CTPS1: variants seen among roughly 807,000 people sequenced by gnomAD.
CTPS1 encodes CTP synthetase 1.
In CTPS1, 25 loss-of-function variants were observed where a neutral mutation model predicts 80.5. The observed-to-expected ratio is 0.31, with a 90% CI of 0.23 to 0.43. The LOEUF (loss-of-function observed/expected upper bound fraction) is 0.43. Ranked by LOEUF, CTPS1 falls within the 20% of genes least tolerant of loss-of-function variation. The pLI is 1.00. For missense variants in CTPS1, 442 were observed against 725.7 expected, an observed-to-expected ratio of 0.61 and a Z score of 4.49; for synonymous variants, 267 against 252.5, an observed-to-expected ratio of 1.06 and a Z score of -0.54.
At chr1:40,987,603 G>A (rs1235015488) in intron 4 of CTPS1, 131 bp downstream of exon 4, 3 of 578,762 alleles carry the variant, frequency 5.2e-6, no homozygotes, top group African/African-American at 3.3e-5. Context: ...AATGTGGCAG[G>A]TAAGGGCACA....
chr1:40,993,853 A>G (rs1642682351), intron 7 of CTPS1, among the ~76,000 whole-genome samples: 1 of 130,168 alleles, frequency 7.7e-6, no homozygotes, highest in South Asian at 2.3e-4. Flanking sequence ...ATCTTGGCTC[A>G]CTGCCATCTC....
At position 40,997,534 on chromosome 1, in the gene CTPS1, G is replaced by A. The variant is rs1642787210; in HGVS notation, c.1005+8G>A. ...CACAAATTGGAAATCAAGGTAAGGA[G>A]GGTGGCACAGGTACAGCCAAAGGAT... On this transcript the variant is annotated splice_region_variant and intron_variant, in intron 9 of 18. Coordinates refer to ENST00000650070, the MANE Select transcript of CTPS1 (RefSeq NM_001905.4). 1 of 1,613,450 alleles carries A rather than the reference G, an allele frequency of 6.2e-7. No individual in the cohort carries two copies. Among genetic ancestry groups the A allele is most frequent in the African/African-American group, 1.3e-5 (1 of 74,926 alleles).
At chr1:40,982,903 C>T (rs1382531199) in intron 1 of CTPS1, among the ~76,000 whole-genome samples, 1 of 152,176 alleles carries the variant, frequency 6.6e-6, no homozygotes, top group African/African-American at 2.4e-5. Flanking sequence ...AATAATGAGG[C>T]ACCTGCCTGG....
intron 1 of CTPS1, chr1:40,980,037 C>G (rs1378515194): frequency 6.6e-6 from 1 of 151,184 alleles, no homozygotes; most frequent in Non-Finnish European, 1.5e-5. Context: ...GCTGCCGGCT[C>G]CCGCGCGCGG....
chr1:40,991,974 C>G, intron 7 of CTPS1, 129 bp downstream of exon 7: 1 of 697,396 alleles, frequency 1.4e-6, no homozygotes, highest in South Asian at 1.7e-5. Flanking sequence ...GAACCCATTG[C>G]CATCGGCCAT....
chr1:40,987,212 T>C (rs72663735), intron 3 of CTPS1, among the ~76,000 whole-genome samples, 160 bp from the exon 4 acceptor site: 11 of 152,304 alleles, frequency 7.2e-5, no homozygotes, highest in Middle Eastern at 3.4e-3. Context: ...CTCAGAGATT[T>C]GTTGAGGCCA....
chr1:40,999,618 A>G (rs934919107), intron 9 of CTPS1, among the ~76,000 whole-genome samples: 2 of 152,230 alleles, frequency 1.3e-5, no homozygotes, highest in African/African-American at 4.8e-5. Context: ...TGGCACCACC[A>G]CACTAGAAAA....
chr1:40,995,031 C>A lies in CTPS1; in HGVS notation c.721-886C>A, dbSNP rs147537368. Among the ~76,000 whole-genome samples, 657 of 152,226 alleles carry A rather than the reference C, an allele frequency of 4.3e-3. 5 individuals carry two copies. Among genetic ancestry groups the A allele is most frequent in the African/African-American group, 0.015 (631 of 41,532 alleles). The stretch of plus-strand genomic sequence containing the variant: ...TTGGGGAGCTTTAAAAATACTGATG[C>A]CTGCCTCCTACCCCACAAGATCCTA... On this transcript the variant is annotated intron_variant, in intron 7 of 18. Coordinates refer to ENST00000650070, the MANE Select transcript of CTPS1 (RefSeq NM_001905.4).
chr1:40,990,426 T>C (rs1642573620), intron 5 of CTPS1, among the ~76,000 whole-genome samples: 2 of 152,124 alleles, frequency 1.3e-5, no homozygotes, highest in South Asian at 2.1e-4. Flanking sequence ...TCAAGAATCA[T>C]TGTGCCACTG....
intron 1 of CTPS1, chr1:40,981,937 C>T (rs1486853034): frequency 7.9e-7 from 1 of 1,269,990 alleles, no homozygotes. Flanking sequence ...TTATTTTTAT[C>T]ATAATTTGGC....
In CTPS1 at chr1:41,012,160, G is replaced by GT. The variant is rs1643189462; in HGVS notation, c.*512_*513insT. ...TCTCTATACTGCCCTGAGTTGGGGGGAATTCTCAGTGCCAACTGTGGCTGG... is the reference window on the plus strand; with the variant it reads ...TCTCTATACTGCCCTGAGTTGGGGGGTAATTCTCAGTGCCAACTGTGGCTGG... On this transcript the variant is annotated 3_prime_UTR_variant, in exon 19 of 19. Transcript: ENST00000650070. The GT allele has an allele frequency of 6.6e-6, 1 of 152,120 alleles. No individual in the cohort carries two copies. The highest frequency in any genetic ancestry group is 1.9e-4 in the East Asian group (1 of 5,180). 9.4% of individuals were successfully genotyped at this position (152,120 alleles called of 1,614,324 possible). A position where few individuals can be genotyped will look rare whatever the true frequency, so the allele number is the denominator to read the frequency against.
intron 12 of CTPS1, 61 bp downstream of exon 12, chr1:41,003,237 C>G (rs938216794): frequency 6.4e-7 from 1 of 1,564,136 alleles, no homozygotes; most frequent in Admixed American, 1.7e-5. Flanking sequence ...GGATATGAGG[C>G]CTGTTGCCGC....
rs116364513 is a variant in CTPS1 at position 40,989,774 on chromosome 1, G to A, written c.555+1064G>A. Among the ~76,000 whole-genome samples, 850 of 152,234 alleles carry A rather than the reference G, an allele frequency of 5.6e-3. 7 individuals carry two copies. The highest frequency in any genetic ancestry group is 0.019 in the African/African-American group (793 of 41,542). On this transcript the variant is annotated intron_variant, in intron 5 of 18. Transcript: ENST00000650070. ...AGAAGGAGATAAGCTATATCCGTTA[G>A]GTAAGAACTGGATGCTATAAGAAAG...
At chr1:40,991,940 T>A in intron 7 of CTPS1, 95 bp downstream of exon 7, 1 of 938,810 alleles carries the variant, frequency 1.1e-6, no homozygotes, top group Non-Finnish European at 1.7e-6. Flanking sequence ...ATTTTCTAAT[T>A]AGAGATAGTG....
At position 41,007,285 on chromosome 1, in the gene CTPS1, A is replaced by G. The variant is rs914642002; in HGVS notation, c.1297-164A>G. 3.3e-5 allele frequency among the ~76,000 whole-genome samples: 5 copies of G among 152,182 alleles called. No individual in the cohort carries two copies. Among genetic ancestry groups the G allele is most frequent in the African/African-American group, 7.2e-5 (3 of 41,436 alleles). On this transcript the variant is annotated intron_variant, in intron 13 of 18. Transcript: ENST00000650070. This position sits in a 1 kb window ranked among gnomAD's most constrained non-coding sequence, Gnocchi z 4.4. ...GAGCCTCCACCCAACCGAGGTTACA[A>G]ATGCCAACTGGGAGGCATTTTCTTC...
intron 3 of CTPS1, 33 bp downstream of exon 3, chr1:40,985,024 T>C (rs1642417607): frequency 6.9e-7 from 1 of 1,457,062 alleles, no homozygotes; most frequent in Non-Finnish European, 9.2e-7. Flanking sequence ...AGCTTAAAAG[T>C]CTTAACCAGT....
intron 6 of CTPS1, among the ~76,000 whole-genome samples, 174 bp downstream of exon 6, chr1:40,991,422 C>T (rs78549935): frequency 7.2e-5 from 11 of 152,228 alleles, no homozygotes; most frequent in Admixed American, 4.6e-4. Flanking sequence ...ATACTTAGAG[C>T]GTGTTAGGTC....
intron 9 of CTPS1, among the ~76,000 whole-genome samples, chr1:40,998,424 A>G (rs984302389): frequency 2.3e-5 from 3 of 130,700 alleles, no homozygotes; most frequent in Middle Eastern, 3.8e-3. Context: ...AAAAAAAAAC[A>G]TGGATGCCTG....
At chr1:40,991,036 TA>T in intron 5 of CTPS1, 128 bp from the exon 6 acceptor site, 1 of 696,374 alleles carries the variant, frequency 1.4e-6, no homozygotes, top group Non-Finnish European at 2.4e-6. Context: ...TTGACAAACA[TA>T]AAAGCTAAAT....
Sources: allele counts gnomAD v4.1 joint callset (sites outside exome capture counted in the v4.1 genomes callset), GRCh38; gene constraint gnomAD v4.1.1; non-coding constraint Gnocchi (gnomAD v3.1); transcripts MANE v1.5; gene names NCBI Gene and HGNC (gene_info 2026-07-23, HGNC 2026-07-21).